UBE2M: variants seen among roughly 807,000 people sequenced by gnomAD.
UBE2M encodes the protein NEDD8-conjugating enzyme Ubc12.
In UBE2M, 2 loss-of-function variants were observed where a neutral mutation model predicts 23.5. The observed-to-expected ratio is 0.09, with a 90% CI of 0.03 to 0.27. The LOEUF is 0.27. Ranked by LOEUF, UBE2M falls within the 10% of genes least tolerant of loss-of-function variation. The probability of loss-of-function intolerance (pLI) is 1.00; values close to 1 mark genes in which losing one functional copy is unlikely to be tolerated. For missense variants in UBE2M, 103 were observed against 232.9 expected (o/e 0.44, Z 3.63); for synonymous variants, 97 against 95.2 (o/e 1.02, Z -0.11).
Position 58,556,463 on chromosome 19 carries a change from G to T in UBE2M, c.348-84C>A. ...TCTGGTGTTGGGCAGGTCAGATCCAGGGCATAGGAGAGTGAGCATGTGAGA... is the reference window on the plus strand; with the variant it reads ...TCTGGTGTTGGGCAGGTCAGATCCATGGCATAGGAGAGTGAGCATGTGAGA... On this transcript the variant is annotated intron_variant, in intron 4 of 5. Coordinates refer to ENST00000253023, the MANE Select transcript of UBE2M (RefSeq NM_003969.4). The surrounding 1 kb of genome is among the most constrained non-coding windows in gnomAD (Gnocchi z 4.9). 6.9e-7 allele frequency: 1 copy of T among 1,446,838 alleles called. No individual in the cohort carries two copies. The allele number at this position is 1,446,838 out of a possible 1,614,324, so 89.6% of individuals were successfully genotyped here.
Position 58,558,264 on chromosome 19 carries a change from AC to A in UBE2M, c.109+8del. 1.3e-6 allele frequency: 2 copies of A among 1,590,008 alleles called. No homozygotes were observed. Among genetic ancestry groups the A allele is most frequent in the Non-Finnish European group, 8.6e-7 (1 of 1,168,988 alleles). On this transcript the variant is annotated splice_region_variant and intron_variant, in intron 1 of 5. Coordinates refer to ENST00000253023, the MANE Select transcript of UBE2M (RefSeq NM_003969.4). The surrounding 1 kb of genome is among the most constrained non-coding windows in gnomAD (Gnocchi z 4.7). ...CCTCCGGCTCCAACCCCATCCCCTG[AC>A]CCCCTACCCTTCTGGATCCGCAGCT...
Position 58,555,958 on chromosome 19 carries a change from A to G in UBE2M, c.*131T>C. The G allele has an allele frequency of 7.7e-7, 1 of 1,295,602 alleles. No individual in the cohort carries two copies. The highest frequency in any genetic ancestry group is 1.0e-6 in the Non-Finnish European group (1 of 967,072). The allele number at this position is 1,295,602 out of a possible 1,614,324, so 80.3% of individuals were successfully genotyped here. A position where few individuals can be genotyped will look rare whatever the true frequency, so the allele number is the denominator to read the frequency against. Reference sequence around the variant, plus strand: ...AAAATAACTAGGGGCACGTGGCAGGAAGGGGAGGCAAGGCCAAGGCAGGGG... The same window carrying G: ...AAAATAACTAGGGGCACGTGGCAGGGAGGGGAGGCAAGGCCAAGGCAGGGG... On this transcript the variant is annotated 3_prime_UTR_variant, in exon 6 of 6. Coordinates refer to ENST00000253023, the MANE Select transcript of UBE2M (RefSeq NM_003969.4).
chr19:58,556,136 G>A lies in UBE2M; in HGVS notation c.505C>T (p.Arg169Trp), dbSNP rs1198239092. 2.5e-6 allele frequency: 4 copies of A among 1,613,388 alleles called. No individual in the cohort carries two copies. The highest frequency in any genetic ancestry group is 1.7e-5 in the Admixed American group (1 of 59,996). ...TAGGTGGAGCCGATGTAGCCACCCC[G>A]CATGGAGCGCTGCACGTTCTGCTCA... ...LFEQNVQRSM[R>W]GGYIGSTYFE... Residue 169 changes from arginine to tryptophan, a missense_variant, in exon 6 of 6, where the codon CGG becomes TGG. Around this residue, in one of 3 missense-constraint regions of UBE2M, gnomAD observed 34 missense variants for 45.6 expected, o/e 0.75. Coordinates refer to ENST00000253023, the MANE Select transcript of UBE2M (RefSeq NM_003969.4). This position sits in a 1 kb window ranked among gnomAD's most constrained non-coding sequence, Gnocchi z 4.9.
rs1486733081 is a variant in UBE2M at position 58,555,832 on chromosome 19, C to G, written c.*257G>C. On this transcript the variant is annotated 3_prime_UTR_variant, in exon 6 of 6. Coordinates refer to ENST00000253023, the MANE Select transcript of UBE2M (RefSeq NM_003969.4). ...TCCACAGCCCAGAGTGGGGGCTGAA[C>G]AAGCACCCAGCAGGGGGGCTAGACA... 1 of 539,992 alleles carries G rather than the reference C, an allele frequency of 1.9e-6. No individual in the cohort carries two copies. Among genetic ancestry groups the G allele is most frequent in the East Asian group, 3.2e-5 (1 of 30,998 alleles). 33.5% of individuals were successfully genotyped at this position (539,992 alleles called of 1,614,324 possible). A position where few individuals can be genotyped will look rare whatever the true frequency, so the allele number is the denominator to read the frequency against.
chr19:58,558,286 C>A lies in UBE2M; in HGVS notation c.96G>T (p.Leu32=). 1 of 1,603,866 alleles carries A rather than the reference C, an allele frequency of 6.2e-7. No homozygotes were observed. ...GSSKKASAAQ[L]RIQKDINELN... is the part of the protein sequence containing the mutation. ...CTGACCCCCTACCCTTCTGGATCCG[C>A]AGCTGCGCCGCCGACGCCTTCTTGC... The change falls in exon 1 of 6, where the codon CTG becomes CTT. Residue 32 remains leucine (L), a synonymous_variant. Transcript: ENST00000253023. The surrounding 1 kb of genome is among the most constrained non-coding windows in gnomAD (Gnocchi z 4.7).
In UBE2M at chr19:58,558,416, G is replaced by T; in HGVS notation, c.-35C>A. On this transcript the variant is annotated 5_prime_UTR_variant, in exon 1 of 6. Transcript: ENST00000253023. The surrounding 1 kb of genome is among the most constrained non-coding windows in gnomAD (Gnocchi z 4.7). ...GCCGCCGCCGCTGCCGCCGCCGCGG[G>T]GCCCGGGACCCCGGCCACCCGGCCC... 3 of 1,119,988 alleles carry T rather than the reference G, an allele frequency of 2.7e-6. No homozygotes were observed. Among genetic ancestry groups the T allele is most frequent in the Non-Finnish European group, 3.3e-6 (3 of 903,774 alleles). 69.4% of individuals were successfully genotyped at this position (1,119,988 alleles called of 1,614,324 possible).
intron 1 of UBE2M, 61 bp from the exon 2 acceptor site, chr19:58,557,218 G>C: frequency 1.5e-4 from 197 of 1,355,960 alleles, no homozygotes; most frequent in Middle Eastern, 2.4e-4. Context: ...GAGAGAGAGG[G>C]AGCCAGCAGG....
Position 58,558,231 on chromosome 19 carries a change from A to G in UBE2M, c.109+42T>C. The G allele has an allele frequency of 6.5e-7, 1 of 1,545,840 alleles. No individual in the cohort carries two copies. The highest frequency in any genetic ancestry group is 1.7e-4 in the Middle Eastern group (1 of 5,910). On this transcript the variant is annotated intron_variant, in intron 1 of 5. Transcript: ENST00000253023. The surrounding 1 kb of genome is among the most constrained non-coding windows in gnomAD (Gnocchi z 4.7). ...CCACATCACCCTGCCTCAGGCCCTG[A>G]CCTCCGACCTCCGGCTCCAACCCCA...
intron 1 of UBE2M, among the ~76,000 whole-genome samples, 176 bp from the exon 2 acceptor site, chr19:58,557,333 C>T (rs1165128657): frequency 1.3e-5 from 2 of 151,954 alleles, no homozygotes; most frequent in Non-Finnish European, 2.9e-5. Flanking sequence ...CTCCCTGCTC[C>T]CCAGCTTGGC....
At position 58,556,051 on chromosome 19, in the gene UBE2M, G is replaced by C; in HGVS notation, c.*38C>G. ...CAATAAATATTTGCAGGGGATGCCA[G>C]GGCTTGTGGCCGTGGCGGGGGTGGG... On this transcript the variant is annotated 3_prime_UTR_variant, in exon 6 of 6. Transcript: ENST00000253023. This position sits in a 1 kb window ranked among gnomAD's most constrained non-coding sequence, Gnocchi z 4.9. 6 of 1,589,190 alleles carry C rather than the reference G, an allele frequency of 3.8e-6. No homozygotes were observed. Among genetic ancestry groups the C allele is most frequent in the Non-Finnish European group, 5.2e-6 (6 of 1,162,312 alleles).
chr19:58,556,818 G>A lies in UBE2M; in HGVS notation c.244-28C>T, dbSNP rs2053894162. 1.9e-6 allele frequency: 3 copies of A among 1,611,226 alleles called. No individual in the cohort carries two copies. The highest frequency in any genetic ancestry group is 3.4e-5 in the Admixed American group (2 of 59,420). On this transcript the variant is annotated intron_variant, in intron 3 of 5. Coordinates refer to ENST00000253023, the MANE Select transcript of UBE2M (RefSeq NM_003969.4). This position sits in a 1 kb window ranked among gnomAD's most constrained non-coding sequence, Gnocchi z 4.9. ...GGCTCCAGGAAAAGAAAAGAGAGATGGGTAGGTGCCTGGAAGGGCCTCAGC... is the reference window on the plus strand; with the variant it reads ...GGCTCCAGGAAAAGAAAAGAGAGATAGGTAGGTGCCTGGAAGGGCCTCAGC...
At position 58,557,394 on chromosome 19, in the gene UBE2M, G is replaced by GT. The variant is rs1205531244; in HGVS notation, c.110-238dup. Among the ~76,000 whole-genome samples the GT allele has an allele frequency of 5.9e-5, 9 of 151,726 alleles. No homozygotes were observed. In the South Asian group the frequency reaches 1.5e-3, roughly 25 times the overall value. On this transcript the variant is annotated intron_variant, in intron 1 of 5. Transcript: ENST00000253023. The stretch of plus-strand genomic sequence containing the variant: ...AACATGCATGTTCAGCTGTGTATGC[G>GT]TGTCCCAACTCCTGGCCCAGGGTGA...
In UBE2M at chr19:58,558,346, C is replaced by T. The variant is rs768688614; in HGVS notation, c.36G>A (p.Lys12=). ...TGGTGCCGCCCGCCGACTCCTCCTC[C>T]TTCTTCTGCTGCTTCAGCGAGAACA... ...IKLFSLKQQK[K]EEESAGGTKG... The change falls in exon 1 of 6, where the codon AAG becomes AAA. Residue 12 remains lysine (K), a synonymous_variant. Coordinates refer to ENST00000253023, the MANE Select transcript of UBE2M (RefSeq NM_003969.4). This position sits in a 1 kb window ranked among gnomAD's most constrained non-coding sequence, Gnocchi z 4.7. 1 of 1,593,518 alleles carries T rather than the reference C, an allele frequency of 6.3e-7. No homozygotes were observed. Among genetic ancestry groups the T allele is most frequent in the Non-Finnish European group, 8.5e-7 (1 of 1,171,926 alleles).
At position 58,558,216 on chromosome 19, in the gene UBE2M, C is replaced by A; in HGVS notation, c.109+57G>T. On this transcript the variant is annotated intron_variant, in intron 1 of 5. Coordinates refer to ENST00000253023, the MANE Select transcript of UBE2M (RefSeq NM_003969.4). The surrounding 1 kb of genome is among the most constrained non-coding windows in gnomAD (Gnocchi z 4.7). ...ACCCCTTCCTGACTCCCACATCACC[C>A]TGCCTCAGGCCCTGACCTCCGACCT... 1 of 1,473,816 alleles carries A rather than the reference C, an allele frequency of 6.8e-7. No homozygotes were observed. The highest frequency in any genetic ancestry group is 9.2e-7 in the Non-Finnish European group (1 of 1,081,242). 91.3% of individuals were successfully genotyped at this position (1,473,816 alleles called of 1,614,324 possible).
chr19:58,557,108 A>G lies in UBE2M; in HGVS notation c.159T>C (p.Asp53=), dbSNP rs1265110654. The G allele has an allele frequency of 2.5e-6, 4 of 1,614,026 alleles. No individual in the cohort carries two copies. Among genetic ancestry groups the G allele is most frequent in the South Asian group, 1.1e-5 (1 of 91,082 alleles). ...GCTTGAAGTTGAGGAGGTCGTCTGG[A>G]TCTGAGAAGCTGATATCACACGTCT... The part of the protein sequence containing the change: ...LPKTCDISFS[D]PDDLLNFKLV... The change falls in exon 2 of 6, where the codon GAT becomes GAC. Residue 53 remains aspartate (D), a synonymous_variant. Transcript: ENST00000253023.
intron 1 of UBE2M, among the ~76,000 whole-genome samples, chr19:58,557,587 C>G (rs768288653): frequency 1.3e-5 from 2 of 151,744 alleles, no homozygotes; most frequent in African/African-American, 4.8e-5. Flanking sequence ...TCCTCACTGT[C>G]CTTCCTCTTC....
chr19:58,555,907 C>T lies in UBE2M; in HGVS notation c.*182G>A. 1.2e-6 allele frequency: 1 copy of T among 807,868 alleles called. No individual in the cohort carries two copies. 50.0% of individuals were successfully genotyped at this position (807,868 alleles called of 1,614,324 possible). ...GTGGGTCGGGGGAGGCAGCGCCGAC[C>T]TTAATCACATGGTGTTAAAAAAAAA... On this transcript the variant is annotated 3_prime_UTR_variant, in exon 6 of 6. Coordinates refer to ENST00000253023, the MANE Select transcript of UBE2M (RefSeq NM_003969.4).
intron 1 of UBE2M, among the ~76,000 whole-genome samples, chr19:58,557,947 A>C (rs555452787): frequency 1.3e-5 from 2 of 151,710 alleles, no homozygotes; most frequent in African/African-American, 4.8e-5. Flanking sequence ...CTGTCACCCC[A>C]AACCCAAGTT....
Position 58,556,875 on chromosome 19 carries a change from G to A in UBE2M, c.243+17C>T. 1 of 1,614,058 alleles carries A rather than the reference G, an allele frequency of 6.2e-7. No individual in the cohort carries two copies. The highest frequency in any genetic ancestry group is 1.7e-5 in the Admixed American group (1 of 60,008). ...CTCCTCTGTCCAGGGAGCCATCCCT[G>A]CCCGCCTGGGACTCACCTTAAAACT... is the stretch of plus-strand genomic sequence containing the variant. On this transcript the variant is annotated intron_variant, in intron 3 of 5. Transcript: ENST00000253023. The surrounding 1 kb of genome is among the most constrained non-coding windows in gnomAD (Gnocchi z 4.9).
Sources: gnomAD v4.1 joint callset for allele counts (sites outside exome capture counted in the v4.1 genomes callset) on GRCh38, gnomAD v4.1.1 for gene constraint, gnomAD v4.1.1 regional missense constraint, Gnocchi (gnomAD v3.1) non-coding constraint, MANE v1.5 for transcripts, NCBI Gene and HGNC (gene_info 2026-07-23, HGNC 2026-07-21) for gene names.